The following DPP10 variants were observed in gnomAD, a reference collection of about 807,000 sequenced individuals.
DPP10 encodes inactive dipeptidyl peptidase 10.
Under a neutral mutation model 120.9 loss-of-function variants are expected in DPP10, and 33 were observed. That is an observed-to-expected ratio of 0.27 (90% CI 0.21 to 0.37). The LOEUF (loss-of-function observed/expected upper bound fraction) is 0.37, where lower values mean the gene tolerates loss of function less well. DPP10 is among the 10% of genes least tolerant of loss of function. DPP10 has a pLI of 1.00. For missense variants in DPP10, 816 were observed against 942.8 expected, an observed-to-expected ratio of 0.87 and a Z score of 1.76; for synonymous variants, 337 against 326.1, an observed-to-expected ratio of 1.03 and a Z score of -0.36.
chr2:114,631,953 C>T (rs553354000), intron 1 of DPP10, among the ~76,000 whole-genome samples: 1 of 152,144 alleles, frequency 6.6e-6, no homozygotes, highest in Non-Finnish European at 1.5e-5. Context: ...CCATTCGTTG[C>T]TTTTTATTCC....
chr2:115,186,942 A>G (rs979450767), intron 1 of DPP10, among the ~76,000 whole-genome samples: 2 of 151,462 alleles, frequency 1.3e-5, no homozygotes, highest in African/African-American at 2.4e-5. Flanking sequence ...ATGTCGACAA[A>G]GGACCTGGAC....
intron 1 of DPP10, among the ~76,000 whole-genome samples, chr2:115,211,409 A>G (rs1264299859): frequency 6.6e-6 from 1 of 152,172 alleles, no homozygotes; most frequent in Non-Finnish European, 1.5e-5. Context: ...AGGCCTGAAT[A>G]AATTGCCATT....
intron 1 of DPP10, among the ~76,000 whole-genome samples, chr2:114,704,276 T>C (rs995561221): frequency 2.0e-5 from 3 of 152,118 alleles, no homozygotes; most frequent in Non-Finnish European, 4.4e-5. Context: ...AAAGGATCCG[T>C]GTGGCCTGAA....
chr2:115,763,894 C>G (rs1217888547), intron 12 of DPP10, among the ~76,000 whole-genome samples: 1 of 152,126 alleles, frequency 6.6e-6, no homozygotes, highest in African/African-American at 2.4e-5. Context: ...TCTGTTTTCT[C>G]CAGTCTAGCT....
At chr2:114,928,078 T>C (rs1695772493) in intron 1 of DPP10, among the ~76,000 whole-genome samples, 1 of 152,212 alleles carries the variant, frequency 6.6e-6, no homozygotes, top group African/African-American at 2.4e-5. Context: ...CTCCAACTTA[T>C]GAGGTTTGGG....
chr2:115,234,925 A>G (rs1333531371), intron 1 of DPP10, among the ~76,000 whole-genome samples: 2 of 152,130 alleles, frequency 1.3e-5, no homozygotes, highest in Admixed American at 6.6e-5. Flanking sequence ...TCTTGCTTCA[A>G]AGTCTAAACT....
At chr2:115,059,242 G>T (rs1267747288) in intron 1 of DPP10, among the ~76,000 whole-genome samples, 1 of 151,056 alleles carries the variant, frequency 6.6e-6, no homozygotes. Flanking sequence ...GAAGAAGAAT[G>T]CATCTACTTT....
chr2:115,415,977 A>G (rs181745780), intron 3 of DPP10, among the ~76,000 whole-genome samples: 148 of 151,090 alleles, frequency 9.8e-4, no homozygotes, highest in African/African-American at 3.4e-3. Context: ...GAATTGCACT[A>G]TTTCTTTTGT....
chr2:114,682,311 A>C (rs539002867), intron 1 of DPP10, among the ~76,000 whole-genome samples: 60 of 152,058 alleles, frequency 3.9e-4, no homozygotes, highest in African/African-American at 1.2e-3. Flanking sequence ...AGACTGACAT[A>C]CATCTTCCAA....
intron 2 of DPP10, among the ~76,000 whole-genome samples, chr2:115,316,918 G>A (rs544011176): frequency 1.3e-5 from 2 of 152,040 alleles, no homozygotes; most frequent in East Asian, 3.9e-4. Context: ...AACCATCCTG[G>A]GCCACATAGT....
intron 19 of DPP10, among the ~76,000 whole-genome samples, chr2:115,808,574 T>A (rs937139840): frequency 2.0e-5 from 3 of 152,200 alleles, no homozygotes; most frequent in African/African-American, 7.2e-5. Context: ...GATGCTATTA[T>A]CACCCTCTAT....
intron 5 of DPP10, among the ~76,000 whole-genome samples, chr2:115,659,113 C>T (rs1470050094): frequency 6.6e-6 from 1 of 152,064 alleles, no homozygotes; most frequent in Admixed American, 6.6e-5. Context: ...GTTCAGCCTC[C>T]TTCCCTCTCT....
chr2:114,524,730 C>T (rs1017799719), intron 1 of DPP10, among the ~76,000 whole-genome samples: 1 of 152,132 alleles, frequency 6.6e-6, no homozygotes, highest in African/African-American at 2.4e-5. Flanking sequence ...ACTGTCCAGG[C>T]ATGCTAAGAG....
intron 1 of DPP10, among the ~76,000 whole-genome samples, chr2:115,075,458 T>C (rs1707710579): frequency 6.6e-6 from 1 of 152,218 alleles, no homozygotes; most frequent in South Asian, 2.1e-4. Context: ...TGTCTGGCCA[T>C]GTCAGTTTCA....
intron 5 of DPP10, among the ~76,000 whole-genome samples, chr2:115,570,923 A>G (rs550561599): frequency 6.6e-6 from 1 of 152,156 alleles, no homozygotes; most frequent in Non-Finnish European, 1.5e-5. Context: ...TTCACCTGGC[A>G]TTTGTTAGCA....
At chr2:114,627,057 C>T (rs1304312784) in intron 1 of DPP10, among the ~76,000 whole-genome samples, 2 of 152,014 alleles carry the variant, frequency 1.3e-5, no homozygotes, top group African/African-American at 2.4e-5. Flanking sequence ...AGTGAACACA[C>T]GAAGCTCCAT....
chr2:115,820,837 ATC>A (rs536910105), intron 21 of DPP10, among the ~76,000 whole-genome samples: 2,073 of 90,318 alleles, frequency 0.023, 53 homozygotes, highest in African/African-American at 0.059. Flanking sequence ...GTGTGTGTGT[ATC>A]TCACAATTTC....
At chr2:115,670,699 GA>G (rs2089806611) in intron 5 of DPP10, among the ~76,000 whole-genome samples, 1 of 152,024 alleles carries the variant, frequency 6.6e-6, no homozygotes, top group Non-Finnish European at 1.5e-5. Flanking sequence ...CTCAAATAAG[GA>G]CTATGTATTC....
At chr2:115,552,209 T>C (rs1338094381) in intron 5 of DPP10, among the ~76,000 whole-genome samples, 2 of 152,174 alleles carry the variant, frequency 1.3e-5, no homozygotes, top group Admixed American at 6.6e-5. Context: ...TAATGATTCA[T>C]TTAAAACAAT....
Sources: gnomAD v4.1 joint callset for allele counts (sites outside exome capture counted in the v4.1 genomes callset) on GRCh38, gnomAD v4.1.1 for gene constraint, MANE v1.5 for transcripts, NCBI Gene and HGNC (gene_info 2026-07-23, HGNC 2026-07-21) for gene names.